Variants in NAALADL2 observed in about 807,000 individuals in gnomAD.
NAALADL2 encodes N-acetylated alpha-linked acidic dipeptidase like 2.
A neutral mutation model predicts 87.2 loss-of-function variants in NAALADL2; 76 were observed. That is an observed-to-expected ratio of 0.87 (90% confidence interval 0.72 to 1.05). The LOEUF is 1.05. NAALADL2 is among the 50% of genes least tolerant of loss of function. The pLI is 0.00. For missense variants in NAALADL2, 1,089 were observed against 945.8 expected (o/e 1.15, Z -1.99); for synonymous variants, 354 against 331.0 (o/e 1.07, Z -0.75).
At chr3:175,200,875 G>T (rs966734737) in intron 2 of NAALADL2, among the ~76,000 whole-genome samples, 12 of 152,170 alleles carry the variant, frequency 7.9e-5, no homozygotes, top group African/African-American at 2.6e-4. Context: ...AGACTATACT[G>T]TACTTATCAT....
intron 10 of NAALADL2, among the ~76,000 whole-genome samples, chr3:175,597,350 T>C (rs570979771): frequency 6.6e-6 from 1 of 152,154 alleles, no homozygotes; most frequent in African/African-American, 2.4e-5. Flanking sequence ...TGCAAGACCA[T>C]GTCTAATTCT....
intron 11 of NAALADL2, among the ~76,000 whole-genome samples, chr3:175,648,591 CT>C (rs1730338124): frequency 6.6e-6 from 1 of 150,514 alleles, no homozygotes; most frequent in African/African-American, 2.4e-5. Flanking sequence ...ACATTTTAGA[CT>C]TTTATACTTG....
At chr3:174,671,864 G>A (rs578455) in intron 2 of NAALADL2, among the ~76,000 whole-genome samples, 96,878 of 151,670 alleles carry the variant, frequency 0.64, 31,674 homozygotes, top group Admixed American at 0.72. Context: ...GTTCTTTGAT[G>A]GTCAAATGAA....
chr3:175,021,782 A>T (rs4572779), intron 1 of NAALADL2, among the ~76,000 whole-genome samples: 8,667 of 152,170 alleles, frequency 0.057, 305 homozygotes, highest in Middle Eastern at 0.12. Context: ...TTTCTAATTG[A>T]TAGATTAAAT....
intron 12 of NAALADL2, among the ~76,000 whole-genome samples, chr3:175,742,890 C>T (rs1400480045): frequency 1.3e-5 from 2 of 152,072 alleles, no homozygotes; most frequent in African/African-American, 4.8e-5. Context: ...TTCTCAGTGT[C>T]TGTATCTCTT....
At chr3:174,501,093 T>C (rs1435372097) in intron 1 of NAALADL2, among the ~76,000 whole-genome samples, 3 of 141,368 alleles carry the variant, frequency 2.1e-5, no homozygotes, top group Non-Finnish European at 3.0e-5. Flanking sequence ...TTTTTTTTTT[T>C]TTTGAGACGG....
chr3:175,544,721 T>A (rs1421549222), intron 9 of NAALADL2, among the ~76,000 whole-genome samples: 1 of 152,160 alleles, frequency 6.6e-6, no homozygotes, highest in Non-Finnish European at 1.5e-5. Flanking sequence ...CTTTCACTCC[T>A]TTTCTCCTTT....
At chr3:174,829,306 C>T (rs1014634709) in intron 3 of NAALADL2, among the ~76,000 whole-genome samples, 2 of 150,610 alleles carry the variant, frequency 1.3e-5, no homozygotes, top group African/African-American at 4.9e-5. Flanking sequence ...TGATGTTCCC[C>T]TTCCTGTGTC....
intron 5 of NAALADL2, among the ~76,000 whole-genome samples, chr3:175,366,801 T>C (rs1246739352): frequency 5.3e-5 from 8 of 151,592 alleles, no homozygotes; most frequent in Non-Finnish European, 1.0e-4. Context: ...TTCTCCCATT[T>C]TGTAGGTTGC....
chr3:175,069,793 A>C (rs1354465254), intron 1 of NAALADL2, among the ~76,000 whole-genome samples: 1 of 151,280 alleles, frequency 6.6e-6, no homozygotes, highest in African/African-American at 2.4e-5. Flanking sequence ...CTGGATTAAG[A>C]AAATGTGGCA....
At chr3:175,351,063 T>C (rs1311610232) in intron 5 of NAALADL2, among the ~76,000 whole-genome samples, 1 of 152,140 alleles carries the variant, frequency 6.6e-6, no homozygotes, top group Non-Finnish European at 1.5e-5. Context: ...GGAGTGTGAC[T>C]TTAATATGTT....
chr3:175,470,779 C>CTATT (rs1464507055), intron 8 of NAALADL2, among the ~76,000 whole-genome samples: 1 of 152,036 alleles, frequency 6.6e-6, no homozygotes, highest in African/African-American at 2.4e-5. Flanking sequence ...AAGTGGAAAA[C>CTATT]TATTATATGG....
At chr3:175,094,831 A>C (rs908672815) in intron 1 of NAALADL2, among the ~76,000 whole-genome samples, 1 of 150,628 alleles carries the variant, frequency 6.6e-6, no homozygotes, top group African/African-American at 2.4e-5. Context: ...AATGTCTTGC[A>C]TAATTATATA....
intron 1 of NAALADL2, among the ~76,000 whole-genome samples, chr3:175,094,792 A>T (rs1720837080): frequency 8.6e-6 from 1 of 115,816 alleles, no homozygotes; most frequent in Non-Finnish European, 1.9e-5. Context: ...GTGTGTGTGA[A>T]TATTATACAT....
rs374145148 is a variant in NAALADL2, at chr3:175,306,603, G to A, written c.940-17572G>A. On this transcript the variant is annotated intron_variant, in intron 4 of 13. Coordinates refer to ENST00000454872, the MANE Select transcript of NAALADL2 (RefSeq NM_207015.3). ...GAGGCGGGCAGATCATGAGGTAGGCGGATCACGAGTTCAGGAGATCCAGAC... is the reference window on the plus strand; with the variant it reads ...GAGGCGGGCAGATCATGAGGTAGGCAGATCACGAGTTCAGGAGATCCAGAC... Among the ~76,000 whole-genome samples the A allele has an allele frequency of 9.2e-5, 14 of 152,120 alleles. No individual in the cohort carries two copies. In the East Asian group the frequency reaches 9.7e-4, roughly 10 times the overall value.
intron 1 of NAALADL2, among the ~76,000 whole-genome samples, chr3:174,999,026 T>A (rs2108753591): frequency 6.6e-6 from 1 of 152,276 alleles, no homozygotes; most frequent in South Asian, 2.1e-4. Context: ...TGCAAAAGAC[T>A]AAAACATGCA....
At chr3:175,701,470 A>G (rs565526792) in intron 11 of NAALADL2, among the ~76,000 whole-genome samples, 1 of 152,288 alleles carries the variant, frequency 6.6e-6, no homozygotes, top group African/African-American at 2.4e-5. Flanking sequence ...GGTCTCTGGT[A>G]TGCCTATGTG....
At chr3:175,513,835 T>C (rs1396792642) in intron 9 of NAALADL2, among the ~76,000 whole-genome samples, 1 of 152,172 alleles carries the variant, frequency 6.6e-6, no homozygotes, top group Non-Finnish European at 1.5e-5. Flanking sequence ...TTCTCCAAGG[T>C]CAAGGAGTCC....
intron 3 of NAALADL2, among the ~76,000 whole-genome samples, chr3:175,252,730 G>A (rs1749272522): frequency 6.6e-6 from 1 of 152,168 alleles, no homozygotes; most frequent in Non-Finnish European, 1.5e-5. Context: ...GTTCTTGGAA[G>A]CAATTAAAAT....
Sources: allele counts gnomAD v4.1 joint callset (sites outside exome capture counted in the v4.1 genomes callset), GRCh38; gene constraint gnomAD v4.1.1; transcripts MANE v1.5; gene names NCBI Gene and HGNC (gene_info 2026-07-23, HGNC 2026-07-21).